Variants in PNPLA3 observed in about 807,000 individuals in gnomAD.
PNPLA3 encodes the protein patatin like domain 3, 1-acylglycerol-3-phosphate O-acyltransferase.
A neutral mutation model predicts 43.1 loss-of-function variants in PNPLA3; 42 were observed. The observed-to-expected ratio is 0.97, with a 90% CI of 0.76 to 1.26. The LOEUF (loss-of-function observed/expected upper bound fraction) is 1.26, where lower values mean the gene tolerates loss of function less well. PNPLA3 is among the 50% of genes most tolerant of loss of function. The pLI is 0.00. For synonymous variants in PNPLA3, 272 were observed against 253.6 expected, an observed-to-expected ratio of 1.07 and a Z score of -0.69; for missense variants, 647 against 621.4, an observed-to-expected ratio of 1.04 and a Z score of -0.44.
intron 7 of PNPLA3, among the ~76,000 whole-genome samples, chr22:43,940,829 T>A (rs1045594566): frequency 1.3e-5 from 2 of 149,814 alleles, no homozygotes; most frequent in African/African-American, 4.9e-5. Context: ...TGAAAGGTAA[T>A]GAAATGAATA....
intron 8 of PNPLA3, 23 bp from the exon 9 acceptor site, chr22:43,946,131 C>A (rs1486197571): frequency 6.2e-7 from 1 of 1,608,240 alleles, no homozygotes; most frequent in Non-Finnish European, 8.5e-7. Flanking sequence ...GGCCTCTAAG[C>A]CAACTTCCTC....
In PNPLA3 at chr22:43,936,005, G is replaced by A. The variant is rs868727818; in HGVS notation, c.758-1046G>A. 2.4e-4 allele frequency among the ~76,000 whole-genome samples: 37 copies of A among 152,292 alleles called. 1 individual carries two copies. Among genetic ancestry groups the A allele is most frequent in the Middle Eastern group, 3.4e-3 (1 of 294 alleles). ...CAATTTGAAGGAGTCCAGGGGAATAGGACTTGGAAATGACCGATGGGACAT... is the reference window on the plus strand; with the variant it reads ...CAATTTGAAGGAGTCCAGGGGAATAAGACTTGGAAATGACCGATGGGACAT... On this transcript the variant is annotated intron_variant, in intron 5 of 8. Transcript: ENST00000216180.
intron 6 of PNPLA3, chr22:43,939,249 T>G: frequency 7.6e-6 from 3 of 392,636 alleles, no homozygotes; most frequent in Non-Finnish European, 1.0e-5. Flanking sequence ...TCTGTGCACA[T>G]TATTTGCTGT....
At chr22:43,932,749 A>G in intron 3 of PNPLA3, 129 bp from the exon 4 acceptor site, 2 of 771,026 alleles carry the variant, frequency 2.6e-6, no homozygotes, top group Non-Finnish European at 4.4e-6. Flanking sequence ...TCCAAAGCCA[A>G]TGTCCTCCCT....
chr22:43,932,815 A>G (rs1361099430), intron 3 of PNPLA3, 63 bp from the exon 4 acceptor site: 3 of 1,461,340 alleles, frequency 2.1e-6, no homozygotes, highest in Non-Finnish European at 2.9e-6. Flanking sequence ...AAAGCTTGTT[A>G]AGCACTTAAG....
rs1377678985 is a variant in PNPLA3, at chr22:43,946,743, G to A, written c.*361G>A. ...ATGGGTGGGGGCCTTGTGATGGGGG[G>A]TAGGCTGGCCCATGTGTGATCTTGT... On this transcript the variant is annotated 3_prime_UTR_variant, in exon 9 of 9. Transcript: ENST00000216180. 3.8e-6 allele frequency: 2 copies of A among 530,932 alleles called. No homozygotes were observed. The highest frequency in any genetic ancestry group is 7.4e-6 in the Non-Finnish European group (2 of 268,634). The allele number at this position is 530,932 out of a possible 1,614,324, so 32.9% of individuals were successfully genotyped here.
intron 6 of PNPLA3, among the ~76,000 whole-genome samples, chr22:43,937,916 G>A (rs548785862): frequency 6.6e-6 from 1 of 152,292 alleles, no homozygotes; most frequent in South Asian, 2.1e-4. Context: ...CAACATGATG[G>A]TCTTAGGAGG....
At chr22:43,936,241 G>A (rs1485960115) in intron 5 of PNPLA3, among the ~76,000 whole-genome samples, 8 of 152,076 alleles carry the variant, frequency 5.3e-5, no homozygotes, top group East Asian at 1.9e-4. Flanking sequence ...GTGACATCTC[G>A]GAGGGTGAGG....
Position 43,946,293 on chromosome 22 carries a change from A to G in PNPLA3, c.1357A>G (p.Ser453Gly), listed in dbSNP as rs749439408. Reference protein sequence around the residue: ...EATPRSILRSSLNFFLGNKVP... With the variant: ...EATPRSILRSGLNFFLGNKVP... ...CACCCCGCGGTCCATCCTCAGGTCC[A>G]GCCTGAACTTCTTCTTGGGCAATAA... is the stretch of plus-strand genomic sequence containing the variant. Residue 453 changes from serine (S) to glycine (G), a missense_variant, in exon 9 of 9, where the codon AGC becomes GGC. Ser to Gly is a moderately conservative substitution (Grantham distance 56). Coordinates refer to ENST00000216180, the MANE Select transcript of PNPLA3 (RefSeq NM_025225.3). 1 of 1,614,164 alleles carries G rather than the reference A, an allele frequency of 6.2e-7. No individual in the cohort carries two copies. The highest frequency in any genetic ancestry group is 8.5e-7 in the Non-Finnish European group (1 of 1,180,040).
At chr22:43,934,489 C>A in intron 4 of PNPLA3, 117 bp from the exon 5 acceptor site, 2 of 1,072,408 alleles carry the variant, frequency 1.9e-6, no homozygotes, top group South Asian at 1.4e-5. Flanking sequence ...GTGCCCCCAG[C>A]CAGCAGACTC....
At chr22:43,940,334 C>T (rs1035362951) in intron 7 of PNPLA3, among the ~76,000 whole-genome samples, 4 of 152,176 alleles carry the variant, frequency 2.6e-5, no homozygotes, top group African/African-American at 7.2e-5. Context: ...AGAAACTCCC[C>T]GTGGGGACTC....
chr22:43,930,544 T>C (rs967660206), intron 3 of PNPLA3, among the ~76,000 whole-genome samples: 19 of 152,186 alleles, frequency 1.2e-4, no homozygotes, highest in Admixed American at 1.0e-3. Flanking sequence ...AGCACCGTAG[T>C]GATGCTCTCT....
chr22:43,940,227 G>A (rs55743053), intron 7 of PNPLA3, 102 bp downstream of exon 7: 16,927 of 1,359,004 alleles, frequency 0.012, 150 homozygotes, highest in Non-Finnish European at 0.015. Context: ...CTGGATTGTC[G>A]TGCCACAGAT....
chr22:43,939,511 T>C, intron 6 of PNPLA3: 1 of 817,360 alleles, frequency 1.2e-6, no homozygotes, highest in Non-Finnish European at 1.5e-6. Context: ...CACACTGCCC[T>C]TGCTGTGAAG....
In PNPLA3 at chr22:43,945,333, CCCCAGGGGATG is replaced by C. The variant is rs72102191; in HGVS notation, c.1217+541_1217+551del. 6.1e-3 allele frequency among the ~76,000 whole-genome samples: 926 copies of C among 152,296 alleles called. 22 individuals carry two copies. The highest frequency in any genetic ancestry group is 0.055 in the Admixed American group (838 of 15,292). On this transcript the variant is annotated intron_variant, in intron 8 of 8. Coordinates refer to ENST00000216180, the MANE Select transcript of PNPLA3 (RefSeq NM_025225.3). ...AAGCCTAGCAGTCTGCGTTGACAGGCCCCAGGGGATGCCGCTACTTCCTGAATTCTGAATTC... is the reference window on the plus strand; with the variant it reads ...AAGCCTAGCAGTCTGCGTTGACAGGCCCGCTACTTCCTGAATTCTGAATTC...
chr22:43,940,041 G>A lies in PNPLA3; in HGVS notation c.1028G>A (p.Cys343Tyr), dbSNP rs2050021347. The change falls in exon 7 of 9, where the codon TGC becomes TAC. Residue 343 changes from cysteine (C) to tyrosine (Y), a missense_variant. Physicochemically the swap from Cys to Tyr is radical, Grantham distance 194 (BLOSUM62 -2). Transcript: ENST00000216180. ...KDKGGYMSKI[C>Y]NLLPIRIMSY... Reference sequence around the variant, plus strand: ...AAAGGTGGATACATGAGCAAGATTTGCAACTTGCTACCCATTAGGATAATG... The same window carrying A: ...AAAGGTGGATACATGAGCAAGATTTACAACTTGCTACCCATTAGGATAATG... The A allele has an allele frequency of 1.2e-6, 2 of 1,613,712 alleles. No homozygotes were observed. The highest frequency in any genetic ancestry group is 1.7e-5 in the Admixed American group (1 of 60,012).
chr22:43,931,726 G>A (rs2049962947), intron 3 of PNPLA3, among the ~76,000 whole-genome samples: 1 of 152,176 alleles, frequency 6.6e-6, no homozygotes, highest in Admixed American at 6.5e-5. Context: ...ATGTTGCCCA[G>A]GCTGGTCTCG....
chr22:43,931,224 C>T (rs901412468), intron 3 of PNPLA3, among the ~76,000 whole-genome samples: 3 of 152,182 alleles, frequency 2.0e-5, no homozygotes, highest in South Asian at 4.1e-4. Context: ...CCGTTGAGTG[C>T]GCTCATAGGC....
At chr22:43,927,339 A>G (rs9625961) in intron 2 of PNPLA3, among the ~76,000 whole-genome samples, 172 bp downstream of exon 2, 27,400 of 151,910 alleles carry the variant, frequency 0.18, 2,568 homozygotes, top group South Asian at 0.24. Flanking sequence ...AAATTACAGA[A>G]AAATTAGCTA....
Sources: gnomAD v4.1 joint callset for allele counts (sites outside exome capture counted in the v4.1 genomes callset) on GRCh38, gnomAD v4.1.1 for gene constraint, MANE v1.5 for transcripts, NCBI Gene and HGNC (gene_info 2026-07-23, HGNC 2026-07-21) for gene names.